The following CNTNAP2 variants were observed in gnomAD, a reference collection of about 807,000 sequenced individuals.
CNTNAP2 encodes contactin associated protein 2.
Under a neutral mutation model 155.2 loss-of-function variants are expected in CNTNAP2, and 98 were observed. The ratio of observed to expected loss-of-function variants is 0.63; its 90% CI spans 0.54 to 0.75. CNTNAP2 has a LOEUF of 0.75. Among genes scored for constraint, CNTNAP2 ranks in the 30% least tolerant of loss-of-function variants. The pLI, the probability that CNTNAP2 is intolerant of heterozygous loss-of-function variation, is 0.00. For missense variants in CNTNAP2, 1,727 were observed against 1,688.1 expected (o/e 1.02, Z -0.40); for synonymous variants, 651 against 631.2 (o/e 1.03, Z -0.47).
rs140422445 is a variant in CNTNAP2, at chr7:148,409,713, T to C, written c.3796+242T>C. Among the ~76,000 whole-genome samples the C allele has an allele frequency of 9.0e-4, 136 of 151,340 alleles. 2 individuals carry two copies. In the East Asian group the frequency reaches 0.023, roughly 26 times the overall value. ...GGGCAGATCACCTGAGGTCAGGAATTCGAGACCAGCCTAGCCAACATGGCA... is the reference window on the plus strand; with the variant it reads ...GGGCAGATCACCTGAGGTCAGGAATCCGAGACCAGCCTAGCCAACATGGCA... On this transcript the variant is annotated intron_variant, in intron 23 of 23. Coordinates refer to ENST00000361727, the MANE Select transcript of CNTNAP2 (RefSeq NM_014141.6).
intron 1 of CNTNAP2, among the ~76,000 whole-genome samples, chr7:146,409,028 C>T (rs1410311300): frequency 6.6e-6 from 1 of 152,018 alleles, no homozygotes; most frequent in Non-Finnish European, 1.5e-5. Context: ...ATCCTTGCAA[C>T]GATCCTACAA....
In CNTNAP2 at chr7:147,317,806, A is replaced by ATG. The variant is rs1449857526; in HGVS notation, c.1498+17517_1498+17518insGT. On this transcript the variant is annotated intron_variant, in intron 9 of 23. Coordinates refer to ENST00000361727, the MANE Select transcript of CNTNAP2 (RefSeq NM_014141.6). Reference sequence around the variant, plus strand: ...TGTGTGTGTGTGTGTGTGTATATGTATATATATGTGTGTGTGTGTGTGCGT... The same window carrying ATG: ...TGTGTGTGTGTGTGTGTGTATATGTATGTATATATGTGTGTGTGTGTGTGCGT... 3.3e-3 allele frequency among the ~76,000 whole-genome samples: 283 copies of ATG among 84,880 alleles called. 3 individuals carry two copies. The highest frequency in any genetic ancestry group is 0.012 in the African/African-American group (245 of 20,926). The allele number at this position is 84,880 out of a possible 152,430, so 55.7% of individuals were successfully genotyped here.
At chr7:146,933,193 T>C (rs6956266) in intron 3 of CNTNAP2, among the ~76,000 whole-genome samples, 146,510 of 151,556 alleles carry the variant, frequency 0.97, 70,850 homozygotes, top group East Asian at 1. Flanking sequence ...AAGTATACTA[T>C]AAGGCTACAG....
chr7:147,366,115 A>G (rs556288946), intron 9 of CNTNAP2, among the ~76,000 whole-genome samples: 1 of 152,222 alleles, frequency 6.6e-6, no homozygotes, highest in African/African-American at 2.4e-5. Context: ...TGCAAATAGC[A>G]TAATAGTCTT....
At chr7:148,185,282 T>C (rs1423117876) in intron 18 of CNTNAP2, among the ~76,000 whole-genome samples, 1 of 152,224 alleles carries the variant, frequency 6.6e-6, no homozygotes, top group Admixed American at 6.5e-5. Flanking sequence ...TTCCTGTCTC[T>C]GTCATGGAAT....
At chr7:148,333,384 CGCGACTGT>C (rs1471701311) in intron 21 of CNTNAP2, among the ~76,000 whole-genome samples, 2 of 151,386 alleles carry the variant, frequency 1.3e-5, no homozygotes, top group African/African-American at 4.9e-5. Flanking sequence ...GCCGAGATTG[CGCGACTGT>C]GCTCCATCCT....
chr7:146,127,543 T>G (rs951714073), intron 1 of CNTNAP2, among the ~76,000 whole-genome samples: 3 of 152,208 alleles, frequency 2.0e-5, no homozygotes, highest in African/African-American at 7.2e-5. Flanking sequence ...AAGGGAAATT[T>G]GAAACCATGC....
chr7:146,951,824 G>A (rs1797319542), intron 3 of CNTNAP2, among the ~76,000 whole-genome samples: 1 of 151,978 alleles, frequency 6.6e-6, no homozygotes, highest in Admixed American at 6.6e-5. Context: ...TTCTAATTCT[G>A]TGAAGAAAGT....
intron 1 of CNTNAP2, among the ~76,000 whole-genome samples, chr7:146,200,657 G>GTATA (rs1158332569): frequency 6.6e-6 from 1 of 152,084 alleles, no homozygotes; most frequent in Non-Finnish European, 1.5e-5. Flanking sequence ...ATGTACCAAT[G>GTATA]TATAGCCTAG....
intron 3 of CNTNAP2, among the ~76,000 whole-genome samples, chr7:146,855,192 G>A (rs1366083461): frequency 2.0e-5 from 3 of 152,056 alleles, no homozygotes; most frequent in Non-Finnish European, 4.4e-5. Flanking sequence ...ACACTCTTTT[G>A]GGAAGAATCT....
chr7:147,122,784 C>A (rs897502905), intron 6 of CNTNAP2: 5 of 152,254 alleles, frequency 3.3e-5, no homozygotes, highest in African/African-American at 1.2e-4. Context: ...TGCTATGGCA[C>A]CCCTATTAGT....
intron 12 of CNTNAP2, among the ~76,000 whole-genome samples, chr7:147,572,309 A>T (rs553382353): frequency 6.6e-6 from 1 of 152,278 alleles, no homozygotes; most frequent in South Asian, 2.1e-4. Context: ...AATTAAAAAA[A>T]AAAAAGAGAG....
At chr7:146,534,926 G>A (rs559088310) in intron 1 of CNTNAP2, among the ~76,000 whole-genome samples, 3 of 147,600 alleles carry the variant, frequency 2.0e-5, no homozygotes, top group Non-Finnish European at 4.5e-5. Context: ...GCATAAAATT[G>A]CTGAGATGTA....
At chr7:148,202,788 T>C (rs1213844806) in intron 18 of CNTNAP2, among the ~76,000 whole-genome samples, 1 of 152,214 alleles carries the variant, frequency 6.6e-6, no homozygotes, top group Non-Finnish European at 1.5e-5. Flanking sequence ...CGTGTGTGCA[T>C]GAAGATGACC....
chr7:147,859,009 A>G (rs1030709816), intron 13 of CNTNAP2, among the ~76,000 whole-genome samples: 25 of 152,188 alleles, frequency 1.6e-4, no homozygotes, highest in African/African-American at 5.8e-4. Flanking sequence ...TTAGGAAACC[A>G]AAGTTCTATC....
At chr7:147,963,962 G>C (rs1050913345) in intron 14 of CNTNAP2, among the ~76,000 whole-genome samples, 1 of 152,006 alleles carries the variant, frequency 6.6e-6, no homozygotes, top group Admixed American at 6.6e-5. Context: ...ATTATGGACT[G>C]AACTGTGTCC....
At chr7:146,614,035 A>G (rs1201235656) in intron 1 of CNTNAP2, among the ~76,000 whole-genome samples, 3 of 152,176 alleles carry the variant, frequency 2.0e-5, no homozygotes, top group Non-Finnish European at 4.4e-5. Flanking sequence ...AATACTACTT[A>G]TTTCTTGGTT....
chr7:147,379,957 G>T (rs973613163), intron 9 of CNTNAP2, among the ~76,000 whole-genome samples: 6 of 151,830 alleles, frequency 4.0e-5, no homozygotes, highest in African/African-American at 1.2e-4. Context: ...TATTTTACTG[G>T]ATGCTCAGAT....
chr7:146,575,838 G>T (rs761952760), intron 1 of CNTNAP2, among the ~76,000 whole-genome samples: 1 of 152,156 alleles, frequency 6.6e-6, no homozygotes, highest in South Asian at 2.1e-4. Context: ...TTGGGCCATT[G>T]TAACCCACAA....
Sources: allele counts gnomAD v4.1 joint callset (sites outside exome capture counted in the v4.1 genomes callset), GRCh38; gene constraint gnomAD v4.1.1; transcripts MANE v1.5; gene names NCBI Gene and HGNC (gene_info 2026-07-23, HGNC 2026-07-21).